The following CHUK variants were observed in gnomAD, a reference collection of about 807,000 sequenced individuals.
CHUK encodes the protein inhibitor of nuclear factor kappa-B kinase subunit alpha.
CHUK carries 35 observed loss-of-function variants against 104.8 expected under a neutral mutation model. The ratio of observed to expected loss-of-function variants is 0.33; its 90% CI spans 0.26 to 0.44. The LOEUF is 0.44. Ranked by LOEUF, CHUK falls within the 20% of genes least tolerant of loss-of-function variation. The pLI, the probability that CHUK is intolerant of heterozygous loss-of-function variation, is 1.00. For missense variants in CHUK, 663 were observed against 902.7 expected (o/e 0.73, Z 3.40); for synonymous variants, 276 against 291.9 (o/e 0.95, Z 0.56).
At chr10:100,218,664 C>T in intron 8 of CHUK, 54 bp downstream of exon 8, 1 of 1,129,278 alleles carries the variant, frequency 8.9e-7, no homozygotes, top group Non-Finnish European at 1.4e-6. Context: ...CTCTCCTGCT[C>T]CTTTACAACT....
chr10:100,217,509 A>G (rs1845885792), intron 9 of CHUK, among the ~76,000 whole-genome samples: 1 of 152,246 alleles, frequency 6.6e-6, no homozygotes. Flanking sequence ...AACAAAGACC[A>G]CAGAGAAGCA....
At chr10:100,212,224 C>G (rs912987601) in intron 9 of CHUK, among the ~76,000 whole-genome samples, 1 of 152,038 alleles carries the variant, frequency 6.6e-6, no homozygotes, top group African/African-American at 2.4e-5. Flanking sequence ...TGTACTGTTT[C>G]CCACAATAGC....
At chr10:100,224,086 ACTCTCT>A (rs3884083) in intron 2 of CHUK, among the ~76,000 whole-genome samples, 17 of 148,318 alleles carry the variant, frequency 1.1e-4, no homozygotes, top group South Asian at 6.5e-4. Flanking sequence ...TCGCTCGTTC[ACTCTCT>A]CTCTCTCTCT....
intron 20 of CHUK, 82 bp downstream of exon 20, chr10:100,190,787 G>T: frequency 1.2e-6 from 1 of 825,622 alleles, no homozygotes. Context: ...CATCCCAAAT[G>T]CCAGATAAGG....
chr10:100,202,275 T>C lies in CHUK; in HGVS notation c.1508-126A>G, dbSNP rs1368232015. ...TTGAATTGTGGTCCCCCAAAAGATA[T>C]GTGGAATTCCTAACCCCTAATACCT... On this transcript the variant is annotated intron_variant, in intron 13 of 20. Transcript: ENST00000370397. 19 of 718,020 alleles carry C rather than the reference T, an allele frequency of 2.6e-5. No individual in the cohort carries two copies. In the Admixed American group the frequency reaches 3.0e-4, roughly 11 times the overall value. 44.5% of individuals were successfully genotyped at this position (718,020 alleles called of 1,614,324 possible). A position where few individuals can be genotyped will look rare whatever the true frequency, so the allele number is the denominator to read the frequency against.
Position 100,219,877 on chromosome 10 carries a change from G to A in CHUK, c.475-518C>T, listed in dbSNP as rs3793759. On this transcript the variant is annotated intron_variant, in intron 5 of 20. Coordinates refer to ENST00000370397, the MANE Select transcript of CHUK (RefSeq NM_001278.5). The stretch of plus-strand genomic sequence containing the variant: ...AAAAAGCAGAGATATTTGGTGCCAA[G>A]CATACGTGAAAGGTTCCTAAGAGAA... Among the ~76,000 whole-genome samples, 22 of 150,424 alleles carry A rather than the reference G, an allele frequency of 1.5e-4. No homozygotes were observed. In the East Asian group the frequency reaches 4.3e-3, roughly 29 times the overall value.
rs1846191989 is a variant in CHUK at position 100,229,568 on chromosome 10, T to C, written c.-36A>G. The C allele has an allele frequency of 7.3e-7, 1 of 1,372,118 alleles. No homozygotes were observed. The highest frequency in any genetic ancestry group is 9.9e-7 in the Non-Finnish European group (1 of 1,007,124). 85.0% of individuals were successfully genotyped at this position (1,372,118 alleles called of 1,614,324 possible). A position where few individuals can be genotyped will look rare whatever the true frequency, so the allele number is the denominator to read the frequency against. ...GGCAAGCGGCCTCAGGTTCCACAGT[T>C]GTTCCAAGGCCGGTTCCGGGCCGCC... On this transcript the variant is annotated 5_prime_UTR_variant, in exon 1 of 21. Coordinates refer to ENST00000370397, the MANE Select transcript of CHUK (RefSeq NM_001278.5).
chr10:100,222,296 T>G, intron 3 of CHUK, 115 bp from the exon 4 acceptor site: 1 of 670,210 alleles, frequency 1.5e-6, no homozygotes. Flanking sequence ...TAAGTCATAA[T>G]AAAATACAAG....
chr10:100,192,486 T>C, intron 19 of CHUK: 1 of 482,900 alleles, frequency 2.1e-6, no homozygotes, highest in Non-Finnish European at 2.7e-6. Context: ...TCCTGCCATG[T>C]GCTTTTCTCT....
rs776693519 is a variant in CHUK, at chr10:100,205,187, T to C, written c.1244A>G (p.Lys415Arg). 17 of 1,613,978 alleles carry C rather than the reference T, an allele frequency of 1.1e-5. No homozygotes were observed. The highest frequency in any genetic ancestry group is 1.4e-5 in the Non-Finnish European group (17 of 1,179,960). ...CAGCTGTATAATTGGAAGCTGTATT[T>C]TGCTGTCCTGTACTATATACAAGAA... ...DCVNYIVQDS[K>R]IQLPIIQLRK... is the part of the protein sequence containing the mutation. The change falls in exon 12 of 21, where the codon AAA (lysine) becomes AGA (arginine). Residue 415 changes from lysine to arginine, a missense_variant. Around this residue, in one of 5 missense-constraint regions of CHUK, gnomAD observed 15 missense variants for 41.3 expected, o/e 0.36. Coordinates refer to ENST00000370397, the MANE Select transcript of CHUK (RefSeq NM_001278.5).
Position 100,225,917 on chromosome 10 carries a change from A to G in CHUK, c.200+6T>C. 5 of 1,543,142 alleles carry G rather than the reference A, an allele frequency of 3.2e-6. No homozygotes were observed. The highest frequency in any genetic ancestry group is 4.5e-6 in the Non-Finnish European group (5 of 1,115,496). Reference sequence around the variant, plus strand: ...CAGGGAAATGTAAGTCAAGGAATACACTTACTTCTTCATAATCTGGATTTC... The same window carrying G: ...CAGGGAAATGTAAGTCAAGGAATACGCTTACTTCTTCATAATCTGGATTTC... On this transcript the variant is annotated splice_donor_region_variant and intron_variant, in intron 2 of 20. Coordinates refer to ENST00000370397, the MANE Select transcript of CHUK (RefSeq NM_001278.5).
chr10:100,222,289 G>A, intron 3 of CHUK, 108 bp from the exon 4 acceptor site: 1 of 677,886 alleles, frequency 1.5e-6, no homozygotes, highest in East Asian at 2.8e-5. Context: ...GAGAAAATAA[G>A]TCATAATAAA....
At chr10:100,223,015 T>A (rs1268755048) in intron 2 of CHUK, 35 bp from the exon 3 acceptor site, 2 of 1,088,138 alleles carry the variant, frequency 1.8e-6, no homozygotes, top group Non-Finnish European at 2.8e-6. Context: ...ATAAAAAAAA[T>A]TATTTCCAAT....
intron 16 of CHUK, among the ~76,000 whole-genome samples, chr10:100,198,359 T>C (rs1438813929): frequency 6.6e-6 from 1 of 152,174 alleles, no homozygotes; most frequent in Non-Finnish European, 1.5e-5. Context: ...TACTCAAGCG[T>C]TGAGATTTAA....
chr10:100,198,460 T>G (rs1845387870), intron 16 of CHUK, among the ~76,000 whole-genome samples: 1 of 152,224 alleles, frequency 6.6e-6, no homozygotes, highest in Non-Finnish European at 1.5e-5. Context: ...GTAAAAAATA[T>G]AACGGCTACT....
chr10:100,221,965 T>C (rs1274209696), intron 4 of CHUK, 147 bp downstream of exon 4: 10 of 588,140 alleles, frequency 1.7e-5, no homozygotes, highest in East Asian at 6.0e-5. Context: ...TTAGCATCAA[T>C]AGTAATAGAT....
intron 13 of CHUK, among the ~76,000 whole-genome samples, chr10:100,203,168 T>TA (rs952582911): frequency 7.2e-5 from 11 of 152,180 alleles, no homozygotes; most frequent in Non-Finnish European, 1.5e-4. Context: ...CAAGGGACCT[T>TA]ACTATGATTA....
intron 1 of CHUK, among the ~76,000 whole-genome samples, chr10:100,227,295 G>A (rs757584840): frequency 1.3e-5 from 2 of 152,146 alleles, no homozygotes; most frequent in African/African-American, 2.4e-5. Context: ...CTGGAGATAG[G>A]GTTATGGCTG....
chr10:100,204,717 T>C (rs1442679890), intron 12 of CHUK, 60 bp from the exon 13 acceptor site: 22 of 1,391,230 alleles, frequency 1.6e-5, no homozygotes, highest in Non-Finnish European at 1.8e-5. Context: ...TTCAGAAACA[T>C]TGAACAATAA....
Sources: gnomAD v4.1 joint callset for allele counts (sites outside exome capture counted in the v4.1 genomes callset) on GRCh38, gnomAD v4.1.1 for gene constraint, gnomAD v4.1.1 regional missense constraint, MANE v1.5 for transcripts, NCBI Gene and HGNC (gene_info 2026-07-23, HGNC 2026-07-21) for gene names.